The following SND1 variants were observed in gnomAD, a reference collection of about 807,000 sequenced individuals.
SND1 encodes staphylococcal nuclease domain-containing protein 1.
Under a neutral mutation model 121.7 loss-of-function variants are expected in SND1, and 38 were observed. The observed-to-expected ratio is 0.31, with a 90% CI of 0.24 to 0.41. The LOEUF is 0.41. Ranked by LOEUF, SND1 falls within the 10% of genes least tolerant of loss-of-function variation. The pLI, the probability that SND1 is intolerant of heterozygous loss-of-function variation, is 1.00. For missense variants in SND1, 868 were observed against 1,184.6 expected (o/e 0.73, Z 3.92); for synonymous variants, 401 against 447.4 (o/e 0.90, Z 1.31).
intron 15 of SND1, among the ~76,000 whole-genome samples, chr7:127,964,527 C>T (rs1489737654): frequency 9.2e-5 from 14 of 151,460 alleles, no homozygotes; most frequent in Non-Finnish European, 1.8e-4. Context: ...TTCCCCATTG[C>T]TTGTTTTTCT....
At chr7:128,006,334 T>A (rs898745166) in intron 16 of SND1, among the ~76,000 whole-genome samples, 10 of 152,142 alleles carry the variant, frequency 6.6e-5, no homozygotes, top group Non-Finnish European at 1.3e-4. Flanking sequence ...TGTGCGTGCA[T>A]GTGTGTTTTG....
At chr7:127,934,994 G>C (rs1801030867) in intron 15 of SND1, among the ~76,000 whole-genome samples, 1 of 152,192 alleles carries the variant, frequency 6.6e-6, no homozygotes, top group African/African-American at 2.4e-5. Flanking sequence ...CCAAGGGAGT[G>C]AAGAATTCCC....
chr7:127,729,991 C>T (rs1796645717), intron 10 of SND1, among the ~76,000 whole-genome samples: 3 of 152,158 alleles, frequency 2.0e-5, no homozygotes, highest in African/African-American at 4.8e-5. Flanking sequence ...GAGACGAAGT[C>T]TCGCTCTTGT....
intron 11 of SND1, among the ~76,000 whole-genome samples, chr7:127,817,695 C>G (rs1304762536): frequency 6.6e-6 from 1 of 150,844 alleles, no homozygotes; most frequent in Non-Finnish European, 1.5e-5. Flanking sequence ...ACATGCCAAG[C>G]CATTTCACAA....
At chr7:127,669,924 A>G (rs1795484890) in intron 1 of SND1, among the ~76,000 whole-genome samples, 2 of 152,092 alleles carry the variant, frequency 1.3e-5, no homozygotes, top group African/African-American at 4.8e-5. Flanking sequence ...TTCCCAAAGC[A>G]TCTTTTCTTT....
chr7:127,967,465 G>A (rs1027142392), intron 15 of SND1, among the ~76,000 whole-genome samples: 9 of 152,188 alleles, frequency 5.9e-5, no homozygotes, highest in Admixed American at 3.3e-4. Context: ...CTTTCAGGGA[G>A]CATGAATAAC....
At chr7:128,071,150 A>T (rs1271521617) in intron 16 of SND1, among the ~76,000 whole-genome samples, 3 of 151,858 alleles carry the variant, frequency 2.0e-5, no homozygotes, top group Non-Finnish European at 2.9e-5. Context: ...GATGTGCCTT[A>T]TGGAGAAGAT....
At chr7:128,032,281 CCTTCCTTCCTCCTCT>C (rs923302980) in intron 16 of SND1, among the ~76,000 whole-genome samples, 23 of 151,294 alleles carry the variant, frequency 1.5e-4, no homozygotes, top group Middle Eastern at 3.2e-3. Flanking sequence ...CCTCTTTCCT[CCTTCCTTCCTCCTCT>C]CTTCCTCTCT....
intron 16 of SND1, among the ~76,000 whole-genome samples, chr7:128,026,894 T>C (rs888281444): frequency 2.6e-5 from 4 of 152,162 alleles, no homozygotes; most frequent in Non-Finnish European, 5.9e-5. Flanking sequence ...TTATTTAAGC[T>C]AAGGAAAGGT....
intron 21 of SND1, 75 bp from the exon 22 acceptor site, chr7:128,089,414 G>T (rs1793738823): frequency 1.4e-6 from 2 of 1,410,612 alleles, no homozygotes; most frequent in South Asian, 1.3e-5. Flanking sequence ...ACTTTCTTGG[G>T]AGTCTATGGA....
At chr7:127,784,138 C>G (rs1011100880) in intron 10 of SND1, among the ~76,000 whole-genome samples, 1 of 152,226 alleles carries the variant, frequency 6.6e-6, no homozygotes, top group Non-Finnish European at 1.5e-5. Context: ...CTGCCTCCCC[C>G]TACCATTGAA....
intron 17 of SND1, 82 bp from the exon 18 acceptor site, chr7:128,081,278 G>A: frequency 2.6e-6 from 4 of 1,563,008 alleles, no homozygotes; most frequent in Non-Finnish European, 3.5e-6. Context: ...TTACAGGCAT[G>A]AGCCACCACG....
At chr7:128,058,231 T>C (rs1793174221) in intron 16 of SND1, among the ~76,000 whole-genome samples, 1 of 152,280 alleles carries the variant, frequency 6.6e-6, no homozygotes, top group East Asian at 1.9e-4. Context: ...CTAGGTACAC[T>C]CAACATACGT....
intron 13 of SND1, among the ~76,000 whole-genome samples, chr7:127,891,699 A>T (rs901154077): frequency 2.6e-5 from 4 of 152,070 alleles, no homozygotes; most frequent in African/African-American, 9.7e-5. Context: ...GGCCCTGAAT[A>T]AAACCCCTAA....
At chr7:127,726,355 T>TAATC (rs1796583272) in intron 10 of SND1, among the ~76,000 whole-genome samples, 1 of 152,246 alleles carries the variant, frequency 6.6e-6, no homozygotes, top group Non-Finnish European at 1.5e-5. Flanking sequence ...GCTTCTGGAT[T>TAATC]AATCCAGTGT....
Position 127,710,818 on chromosome 7 carries a change from TCAAGAGGGCGCACAGTGCTC to T in SND1, c.1038+3172_1038+3191del, listed in dbSNP as rs540924069. Among the ~76,000 whole-genome samples the T allele has an allele frequency of 2.9e-3, 445 of 152,238 alleles. 2 individuals are homozygous for T. Among genetic ancestry groups the T allele is most frequent in the African/African-American group, 8.1e-3 (335 of 41,538 alleles). On this transcript the variant is annotated intron_variant, in intron 9 of 23. Transcript: ENST00000354725. ...AGTTTTTTCACATAAGCACACATAC[TCAAGAGGGCGCACAGTGCTC>T]TTACCCAGTTCTTCCAATATGATTA... is the stretch of plus-strand genomic sequence containing the variant.
intron 9 of SND1, among the ~76,000 whole-genome samples, chr7:127,720,824 T>C (rs1254602023): frequency 6.6e-6 from 1 of 152,224 alleles, no homozygotes; most frequent in Non-Finnish European, 1.5e-5. Flanking sequence ...CCTTTGATTT[T>C]TCTGCTCTCT....
intron 1 of SND1, among the ~76,000 whole-genome samples, chr7:127,662,339 T>A (rs1181989462): frequency 2.6e-5 from 4 of 152,224 alleles, no homozygotes. Context: ...CTGTCGTAGA[T>A]CTACCTCATT....
intron 17 of SND1, among the ~76,000 whole-genome samples, chr7:128,080,384 G>A (rs1281706404): frequency 6.6e-6 from 1 of 152,268 alleles, no homozygotes; most frequent in Non-Finnish European, 1.5e-5. Flanking sequence ...GGGGAAGGAA[G>A]GGAGAGAGGG....
Sources: allele counts gnomAD v4.1 joint callset (sites outside exome capture counted in the v4.1 genomes callset), GRCh38; gene constraint gnomAD v4.1.1; transcripts MANE v1.5; gene names NCBI Gene and HGNC (gene_info 2026-07-23, HGNC 2026-07-21).